Variants in RYR3 observed in about 807,000 individuals in gnomAD.
The protein encoded by RYR3 is ryanodine receptor 3, also known as brain ryanodine receptor-calcium release channel.
RYR3 carries 207 observed loss-of-function variants against 584.3 expected under a neutral mutation model. That is an observed-to-expected ratio of 0.35 (90% CI 0.32 to 0.40). RYR3 has a LOEUF of 0.40. RYR3 is among the 10% of genes least tolerant of loss of function. The pLI is 1.00. For synonymous variants in RYR3, 2,416 were observed against 2,248.5 expected, an observed-to-expected ratio of 1.07 and a Z score of -2.11; for missense variants, 5,616 against 6,089.2, an observed-to-expected ratio of 0.92 and a Z score of 2.59.
At chr15:33,393,834 G>A (rs2042144959) in intron 1 of RYR3, among the ~76,000 whole-genome samples, 2 of 152,072 alleles carry the variant, frequency 1.3e-5, no homozygotes, top group Non-Finnish European at 2.9e-5. Flanking sequence ...TCTACTTCAG[G>A]GACAGAAAAC....
rs376091949 is a variant in RYR3, at chr15:33,579,366, GA to G, written c.1269-609del. 2.8e-3 allele frequency among the ~76,000 whole-genome samples: 424 copies of G among 152,310 alleles called. 1 individual carries two copies. The highest frequency in any genetic ancestry group is 9.9e-3 in the African/African-American group (410 of 41,564). ...ATCTCAGAAGACACATAGAGACGTG[GA>G]GGGGGGTGCAAGAGGAGAGACAAAA... On this transcript the variant is annotated intron_variant, in intron 12 of 103. Coordinates refer to ENST00000634891, the MANE Select transcript of RYR3 (RefSeq NM_001036.6).
At chr15:33,531,895 A>G (rs183266992) in intron 4 of RYR3, among the ~76,000 whole-genome samples, 1 of 152,282 alleles carries the variant, frequency 6.6e-6, no homozygotes, top group African/African-American at 2.4e-5. Flanking sequence ...ACTTGTCTTT[A>G]CCTAAATGTA....
intron 69 of RYR3, among the ~76,000 whole-genome samples, chr15:33,807,275 C>T (rs1388112020): frequency 6.6e-6 from 1 of 152,128 alleles, no homozygotes; most frequent in Non-Finnish European, 1.5e-5. Flanking sequence ...TAAAGACCAG[C>T]CTGGGTCGGG....
chr15:33,520,259 GT>G (rs879516356), intron 3 of RYR3, among the ~76,000 whole-genome samples: 1 of 152,160 alleles, frequency 6.6e-6, no homozygotes, highest in Non-Finnish European at 1.5e-5. Context: ...TGAACAGTGA[GT>G]TTTTTTATAG....
chr15:33,797,016 G>A (rs965704879), intron 67 of RYR3, among the ~76,000 whole-genome samples: 1 of 152,146 alleles, frequency 6.6e-6, no homozygotes, highest in Non-Finnish European at 1.5e-5. Context: ...ACAGAAACTC[G>A]AATACCACAT....
At chr15:33,817,287 AGCC>A (rs1388956908) in intron 75 of RYR3, among the ~76,000 whole-genome samples, 3 of 152,184 alleles carry the variant, frequency 2.0e-5, no homozygotes, top group Non-Finnish European at 4.4e-5. Context: ...CCCCAGCCAA[AGCC>A]CCACGTTCCT....
At chr15:33,612,424 G>A (rs56366405) in intron 18 of RYR3, among the ~76,000 whole-genome samples, 10,352 of 152,254 alleles carry the variant, frequency 0.068, 559 homozygotes, top group East Asian at 0.15. Context: ...GCAATGGCAC[G>A]GTCTCGGCTC....
intron 1 of RYR3, among the ~76,000 whole-genome samples, chr15:33,334,956 T>C (rs1261536059): frequency 6.6e-6 from 1 of 151,734 alleles, no homozygotes; most frequent in African/African-American, 2.4e-5. Flanking sequence ...TAGAGAAAAA[T>C]GCAAATCAAA....
intron 1 of RYR3, among the ~76,000 whole-genome samples, chr15:33,417,071 C>T (rs1344025460): frequency 6.6e-6 from 1 of 152,066 alleles, no homozygotes; most frequent in Non-Finnish European, 1.5e-5. Context: ...GTACCAGTAC[C>T]ATGCTATTTT....
intron 38 of RYR3, among the ~76,000 whole-genome samples, chr15:33,695,704 T>A (rs1478163843): frequency 1.3e-5 from 2 of 152,148 alleles, no homozygotes; most frequent in Non-Finnish European, 2.9e-5. Context: ...GATATTCTTT[T>A]ATTGTTATAT....
intron 2 of RYR3, among the ~76,000 whole-genome samples, chr15:33,476,420 C>T (rs1328570812): frequency 2.0e-5 from 3 of 152,156 alleles, no homozygotes; most frequent in Admixed American, 6.5e-5. Flanking sequence ...AAAAGAGATA[C>T]ATGTCATCCA....
intron 1 of RYR3, among the ~76,000 whole-genome samples, chr15:33,469,371 G>A (rs1445840983): frequency 1.3e-5 from 2 of 152,026 alleles, no homozygotes; most frequent in Non-Finnish European, 1.5e-5. Context: ...TGTTTTTTGA[G>A]AGTGCCATTG....
rs192785925 is a variant in RYR3, at chr15:33,576,827, G to A, written c.1269-3149G>A. On this transcript the variant is annotated intron_variant, in intron 12 of 103. Coordinates refer to ENST00000634891, the MANE Select transcript of RYR3 (RefSeq NM_001036.6). ...ACACAGGAAGAGAGGAAGTCAAACT[G>A]TCTCTGTTTGCAGATGACATGATCC... Among the ~76,000 whole-genome samples the A allele has an allele frequency of 4.2e-3, 633 of 152,266 alleles. 4 individuals carry two copies. The highest frequency in any genetic ancestry group is 0.014 in the African/African-American group (591 of 41,534).
chr15:33,388,144 A>C (rs532244939), intron 1 of RYR3, among the ~76,000 whole-genome samples: 1 of 152,312 alleles, frequency 6.6e-6, no homozygotes, highest in Non-Finnish European at 1.5e-5. Flanking sequence ...AAGAAAACAT[A>C]AGAACAGGCC....
chr15:33,447,334 G>C (rs1012083053), intron 1 of RYR3, among the ~76,000 whole-genome samples: 3 of 152,178 alleles, frequency 2.0e-5, no homozygotes, highest in Non-Finnish European at 2.9e-5. Flanking sequence ...TGAGAATGGG[G>C]ATAACTGGGT....
chr15:33,378,392 T>TG (rs2040909099), intron 1 of RYR3, among the ~76,000 whole-genome samples: 1 of 152,208 alleles, frequency 6.6e-6, no homozygotes. Context: ...AAGTGTCAAG[T>TG]GGTCAGAGAC....
intron 60 of RYR3, among the ~76,000 whole-genome samples, chr15:33,763,033 A>C (rs555254501): frequency 4.6e-5 from 7 of 152,240 alleles, no homozygotes; most frequent in Non-Finnish European, 8.8e-5. Flanking sequence ...TTCTCTACTT[A>C]ATAAATGGTG....
chr15:33,661,786 ATTTTACATTTC>A (rs2063181324), intron 34 of RYR3, among the ~76,000 whole-genome samples: 1 of 152,148 alleles, frequency 6.6e-6, no homozygotes, highest in Non-Finnish European at 1.5e-5. Context: ...TTCTGAGGAG[ATTTTACATTTC>A]TGAGGGAAAT....
rs987744701 is a variant in RYR3 at position 33,535,960 on chromosome 15, G to A, written c.433+2571G>A. The stretch of plus-strand genomic sequence containing the variant: ...AAACCTAGAGCCTAAACTAACTTAC[G>A]TTTGTTTTGCATCTCTCACCCAAAC... On this transcript the variant is annotated intron_variant, in intron 5 of 103. Transcript: ENST00000634891. 5.3e-5 allele frequency among the ~76,000 whole-genome samples: 8 copies of A among 152,236 alleles called. No individual in the cohort carries two copies. In the East Asian group the frequency reaches 5.8e-4, roughly 11 times the overall value.
Sources: gnomAD v4.1 joint callset for allele counts (sites outside exome capture counted in the v4.1 genomes callset) on GRCh38, gnomAD v4.1.1 for gene constraint, MANE v1.5 for transcripts, NCBI Gene and HGNC (gene_info 2026-07-23, HGNC 2026-07-21) for gene names.